The following PCSK5 variants were observed in gnomAD, a reference collection of about 807,000 sequenced individuals.
The protein encoded by PCSK5 is prohormone convertase 5.
In PCSK5, 129 loss-of-function variants were observed where a neutral mutation model predicts 233.2. That is an observed-to-expected ratio of 0.55 (90% confidence interval 0.48 to 0.64). The LOEUF is 0.64. PCSK5 is among the 30% of genes least tolerant of loss of function. The probability of loss-of-function intolerance (pLI) is 0.00; values close to 1 mark genes in which losing one functional copy is unlikely to be tolerated. For missense variants in PCSK5, 2,076 were observed against 2,430.1 expected (o/e 0.85, Z 3.06); for synonymous variants, 825 against 879.2 (o/e 0.94, Z 1.09).
At chr9:75,952,199 A>T (rs1006352262) in intron 2 of PCSK5, among the ~76,000 whole-genome samples, 1 of 152,316 alleles carries the variant, frequency 6.6e-6, no homozygotes, top group Admixed American at 6.5e-5. Context: ...GCATGTCATT[A>T]ACTATAATTC....
chr9:75,971,830 T>C (rs1348143593), intron 2 of PCSK5, among the ~76,000 whole-genome samples: 1 of 152,140 alleles, frequency 6.6e-6, no homozygotes, highest in Non-Finnish European at 1.5e-5. Flanking sequence ...ATTAGCCCTT[T>C]GTCAGATGGA....
intron 8 of PCSK5, among the ~76,000 whole-genome samples, chr9:76,098,483 C>CA (rs1456825537): frequency 5.9e-5 from 9 of 152,244 alleles, no homozygotes; most frequent in Non-Finnish European, 1.0e-4. Context: ...TCTTCTAACT[C>CA]ATGGTCAACG....
At chr9:75,993,911 A>G (rs1013727341) in intron 3 of PCSK5, among the ~76,000 whole-genome samples, 2 of 152,222 alleles carry the variant, frequency 1.3e-5, no homozygotes, top group African/African-American at 4.8e-5. Flanking sequence ...CTTGCCTACC[A>G]TATACCAAAA....
At chr9:76,176,035 A>G (rs1359017853) in intron 14 of PCSK5, among the ~76,000 whole-genome samples, 3 of 150,606 alleles carry the variant, frequency 2.0e-5, no homozygotes, top group Non-Finnish European at 2.9e-5. Context: ...AAAAAAAACT[A>G]TTAGAGGCTG....
intron 7 of PCSK5, among the ~76,000 whole-genome samples, chr9:76,084,669 T>C (rs11144744): frequency 0.14 from 20,617 of 152,158 alleles, 1,766 homozygotes; most frequent in East Asian, 0.24. Flanking sequence ...TTAGATTAGG[T>C]CAAGTTGAGG....
intron 37 of PCSK5, among the ~76,000 whole-genome samples, chr9:76,356,369 C>T (rs1268083292): frequency 1.3e-5 from 2 of 152,190 alleles, no homozygotes; most frequent in South Asian, 2.1e-4. Context: ...ACACTCTGCC[C>T]CTTCAAAGAA....
At chr9:76,259,372 G>A (rs1024116987) in intron 24 of PCSK5, among the ~76,000 whole-genome samples, 3 of 151,502 alleles carry the variant, frequency 2.0e-5, no homozygotes, top group African/African-American at 4.8e-5. Flanking sequence ...GGTCCTTCCT[G>A]TCATCACATC....
At chr9:76,093,107 C>A (rs1587617066) in intron 7 of PCSK5, among the ~76,000 whole-genome samples, 2 of 96,142 alleles carry the variant, frequency 2.1e-5, no homozygotes, top group Non-Finnish European at 2.0e-5. Flanking sequence ...TTTTTTTTTC[C>A]AGATACAGGG....
chr9:76,322,649 T>A (rs1176660027), intron 31 of PCSK5, among the ~76,000 whole-genome samples: 1 of 152,256 alleles, frequency 6.6e-6, no homozygotes, highest in Admixed American at 6.5e-5. Flanking sequence ...AGTTAACTAA[T>A]CCAACCATTC....
chr9:76,203,829 A>G (rs1186639321), intron 20 of PCSK5, among the ~76,000 whole-genome samples: 2 of 152,174 alleles, frequency 1.3e-5, no homozygotes, highest in Non-Finnish European at 2.9e-5. Context: ...TCTTTTCAAG[A>G]CATGGTTCAA....
intron 24 of PCSK5, among the ~76,000 whole-genome samples, chr9:76,265,739 A>C (rs1460854416): frequency 6.6e-6 from 1 of 152,188 alleles, no homozygotes; most frequent in East Asian, 1.9e-4. Flanking sequence ...TATCCATCTT[A>C]ATTTCAAATA....
chr9:76,125,680 T>A (rs10781339), intron 9 of PCSK5, among the ~76,000 whole-genome samples: 71,384 of 151,892 alleles, frequency 0.47, 17,159 homozygotes, highest in Admixed American at 0.52. Flanking sequence ...AAATTTCTTC[T>A]GTAGTAAGAA....
At position 76,188,063 on chromosome 9, in the gene PCSK5, A is replaced by G. The variant is rs371635021; in HGVS notation, c.2283-515A>G. 3.9e-5 allele frequency among the ~76,000 whole-genome samples: 6 copies of G among 152,320 alleles called. No homozygotes were observed. In the East Asian group the frequency reaches 5.8e-4, roughly 15 times the overall value. On this transcript the variant is annotated intron_variant, in intron 17 of 37. Transcript: ENST00000674117. ...AAAATCAGAAACACTTAAAATCAGA[A>G]TGGCTACTCCGGAGAATTTGAGCTG...
At chr9:76,197,079 T>C (rs1824734859) in intron 20 of PCSK5, among the ~76,000 whole-genome samples, 1 of 152,176 alleles carries the variant, frequency 6.6e-6, no homozygotes, top group Non-Finnish European at 1.5e-5. Flanking sequence ...GGGAAGAACA[T>C]TACCAATGAA....
chr9:76,193,459 TTCTTTTCTTGCTC>T, intron 20 of PCSK5: 1 of 816,402 alleles, frequency 1.2e-6, no homozygotes, highest in East Asian at 2.8e-5. Flanking sequence ...ACCTCTCTCT[TTCTTTTCTTGCTC>T]TCTTTTTCTT....
chr9:76,350,698 C>A (rs112410483), intron 35 of PCSK5, 130 bp from the exon 36 acceptor site: 7 of 627,568 alleles, frequency 1.1e-5, no homozygotes, highest in African/African-American at 3.8e-5. Flanking sequence ...TTTTCTTTTT[C>A]GTATCCTCAA....
At chr9:76,351,500 G>C (rs1166387435) in intron 36 of PCSK5, among the ~76,000 whole-genome samples, 1 of 101,656 alleles carries the variant, frequency 9.8e-6, no homozygotes, top group African/African-American at 3.5e-5. Flanking sequence ...AAGAAAGAAA[G>C]AAAGAAAGAA....
At chr9:76,038,322 G>A (rs1828951190) in intron 5 of PCSK5, among the ~76,000 whole-genome samples, 1 of 152,144 alleles carries the variant, frequency 6.6e-6, no homozygotes, top group Non-Finnish European at 1.5e-5. Flanking sequence ...CGCAGAGAAA[G>A]AGGGACACGT....
chr9:76,085,770 G>A (rs995153420), intron 7 of PCSK5, among the ~76,000 whole-genome samples: 1 of 152,132 alleles, frequency 6.6e-6, no homozygotes, highest in Non-Finnish European at 1.5e-5. Flanking sequence ...CCCCATGCTG[G>A]GCTCTAGATG....
Sources: gnomAD v4.1 joint callset for allele counts (sites outside exome capture counted in the v4.1 genomes callset) on GRCh38, gnomAD v4.1.1 for gene constraint, MANE v1.5 for transcripts, NCBI Gene and HGNC (gene_info 2026-07-23, HGNC 2026-07-21) for gene names.